Variants in SLC25A28 observed in about 807,000 individuals in gnomAD.
SLC25A28 encodes the protein mitoferrin-2.
In SLC25A28, 10 loss-of-function variants were observed where a neutral mutation model predicts 31.9. The observed-to-expected ratio is 0.31, with a 90% CI of 0.19 to 0.53. SLC25A28 has a LOEUF of 0.53. Ranked by LOEUF, SLC25A28 falls within the 20% of genes least tolerant of loss-of-function variation. The probability of loss-of-function intolerance (pLI) is 0.95; values close to 1 mark genes in which losing one functional copy is unlikely to be tolerated. For missense variants in SLC25A28, 256 were observed against 490.3 expected, an observed-to-expected ratio of 0.52 and a Z score of 4.51; for synonymous variants, 208 against 203.6, an observed-to-expected ratio of 1.02 and a Z score of -0.19.
At chr10:99,652,139 T>C in the SLC25A28 span, 1 of 152,196 alleles carries the variant, frequency 6.6e-6, no homozygotes, top group African/African-American at 2.4e-5. Context: ...GTTCTTATCA[T>C]GTGTGTACAT....
At chr10:99,624,909 A>G (rs1172321973), upstream of SLC25A28, among the ~76,000 whole-genome samples, 6 of 151,894 alleles carry the variant, frequency 4.0e-5, no homozygotes, top group African/African-American at 9.7e-5. Context: ...TGCACCTGCA[A>G]CTCCTCAGGT....
In SLC25A28 at chr10:99,620,438, C is replaced by G. The variant is rs1367756972; in HGVS notation, c.-103G>C. The G allele has an allele frequency of 9.6e-7, 1 of 1,045,586 alleles. No individual in the cohort carries two copies. The highest frequency in any genetic ancestry group is 4.4e-5 in the South Asian group (1 of 22,728). 64.8% of individuals were successfully genotyped at this position (1,045,586 alleles called of 1,614,324 possible). ...CCGCCTCAGGCGCGGCCCAGAGAGC[C>G]CGGGGCCTCCGGCTCCCGCTTGGCC... On this transcript the variant is annotated 5_prime_UTR_variant, in exon 1 of 4. Coordinates refer to ENST00000370495, the MANE Select transcript of SLC25A28 (RefSeq NM_031212.4).
chr10:99,631,211 C>T, the SLC25A28 span, among the ~76,000 whole-genome samples: 4 of 152,086 alleles, frequency 2.6e-5, no homozygotes, highest in African/African-American at 9.7e-5. Flanking sequence ...TTGTGGAATT[C>T]TAAGTTGAAG....
chr10:99,639,015 A>G, the SLC25A28 span, among the ~76,000 whole-genome samples: 127,758 of 152,084 alleles, frequency 0.84, 53,908 homozygotes, highest in Middle Eastern at 0.92. Context: ...CAATTTGCAA[A>G]TGCAAAATCG....
In SLC25A28 at chr10:99,620,434, G is replaced by A. The variant is rs1565023943; in HGVS notation, c.-99C>T. ...GTGTCCGCCTCAGGCGCGGCCCAGA[G>A]AGCCCGGGGCCTCCGGCTCCCGCTT... On this transcript the variant is annotated 5_prime_UTR_variant, in exon 1 of 4. Coordinates refer to ENST00000370495, the MANE Select transcript of SLC25A28 (RefSeq NM_031212.4). 1.9e-6 allele frequency: 2 copies of A among 1,045,358 alleles called. No homozygotes were observed. The highest frequency in any genetic ancestry group is 2.3e-6 in the Non-Finnish European group (2 of 869,780). The allele number at this position is 1,045,358 out of a possible 1,614,324, so 64.8% of individuals were successfully genotyped here. A position where few individuals can be genotyped will look rare whatever the true frequency, so the allele number is the denominator to read the frequency against.
At chr10:99,651,589 C>CTTTTTTT in the SLC25A28 span, among the ~76,000 whole-genome samples, 3 of 43,182 alleles carry the variant, frequency 6.9e-5, no homozygotes, top group South Asian at 1.1e-3. Context: ...TTGCCTTTTT[C>CTTTTTTT]TTTTCTTTTT....
chr10:99,618,533 TATA>T, intron 1 of SLC25A28: 1 of 985,404 alleles, frequency 1.0e-6, no homozygotes, highest in Non-Finnish European at 1.2e-6. Context: ...AGTCTATACA[TATA>T]ATGTGTGCAT....
chr10:99,617,814 G>T (rs569324227), intron 1 of SLC25A28: 4 of 982,880 alleles, frequency 4.1e-6, no homozygotes, highest in African/African-American at 3.5e-5. Context: ...CTGCTATGTT[G>T]TATGACTAAT....
chr10:99,628,079 A>G, the SLC25A28 span, among the ~76,000 whole-genome samples: 1 of 152,256 alleles, frequency 6.6e-6, no homozygotes, highest in Non-Finnish European at 1.5e-5. Context: ...CAAAGTAAAG[A>G]GAGCATAATT....
At chr10:99,654,212 A>G in the SLC25A28 span, among the ~76,000 whole-genome samples, 1 of 152,246 alleles carries the variant, frequency 6.6e-6, no homozygotes, top group African/African-American at 2.4e-5. Context: ...AAAGCCACAC[A>G]TATCAGGAGA....
At chr10:99,646,744 G>T in the SLC25A28 span, among the ~76,000 whole-genome samples, 1 of 152,202 alleles carries the variant, frequency 6.6e-6, no homozygotes, top group Non-Finnish European at 1.5e-5. Context: ...TAGTGGTAAA[G>T]TCTGCACTTT....
chr10:99,635,637 C>G, the SLC25A28 span, among the ~76,000 whole-genome samples: 1 of 150,456 alleles, frequency 6.6e-6, no homozygotes, highest in Non-Finnish European at 1.5e-5. Context: ...GAGATCATGC[C>G]ACTACACTCC....
the SLC25A28 span, among the ~76,000 whole-genome samples, chr10:99,656,478 G>C: frequency 1.3e-5 from 2 of 152,150 alleles, no homozygotes; most frequent in Non-Finnish European, 2.9e-5. Flanking sequence ...TATGATGAGA[G>C]TGGAGAGATA....
At position 99,611,617 on chromosome 10, in the gene SLC25A28, G is replaced by A. The variant is rs1287848824; in HGVS notation, c.578-251C>T. 2.6e-5 allele frequency among the ~76,000 whole-genome samples: 4 copies of A among 152,074 alleles called. No individual in the cohort carries two copies. Among genetic ancestry groups the A allele is most frequent in the Non-Finnish European group, 1.5e-5 (1 of 68,020 alleles). On this transcript the variant is annotated intron_variant, in intron 3 of 3. Coordinates refer to ENST00000370495, the MANE Select transcript of SLC25A28 (RefSeq NM_031212.4). The surrounding 1 kb of genome is among the most constrained non-coding windows in gnomAD (Gnocchi z 5.5). ...GGACTTCTGTAAAGCCAGCCAGTTC[G>A]CACACAGGACATATCTACAGTTTGG...
rs1179359240 is a variant in SLC25A28, at chr10:99,620,181, G to A, written c.155C>T (p.Pro52Leu). ...GGGEAGACRPPVRQDPDSGPD... is the reference protein window; with the variant it reads ...GGGEAGACRPLVRQDPDSGPD... ...GCCGGAGTCCGGATCTTGTCGTACC[G>A]GGGGCCTGCAGGCCCCGGCCTCCCC... Residue 52 changes from proline to leucine, a missense_variant, in exon 1 of 4, where the codon CCG becomes CTG. Coordinates refer to ENST00000370495, the MANE Select transcript of SLC25A28 (RefSeq NM_031212.4). The A allele has an allele frequency of 7.2e-6, 11 of 1,517,488 alleles. No homozygotes were observed. Among genetic ancestry groups the A allele is most frequent in the East Asian group, 2.7e-5 (1 of 37,320 alleles). 94.0% of individuals were successfully genotyped at this position (1,517,488 alleles called of 1,614,324 possible). A position where few individuals can be genotyped will look rare whatever the true frequency, so the allele number is the denominator to read the frequency against.
the SLC25A28 span, among the ~76,000 whole-genome samples, chr10:99,646,225 G>A: frequency 6.6e-6 from 1 of 152,172 alleles, no homozygotes; most frequent in African/African-American, 2.4e-5. Flanking sequence ...GAGCTTCCCA[G>A]CCACTTTGTT....
At chr10:99,643,018 T>C in the SLC25A28 span, among the ~76,000 whole-genome samples, 1 of 152,142 alleles carries the variant, frequency 6.6e-6, no homozygotes, top group African/African-American at 2.4e-5. Context: ...GATATTAGTC[T>C]AAAATTCTCT....
At position 99,620,009 on chromosome 10, in the gene SLC25A28, C is replaced by A. The variant is rs1423282872; in HGVS notation, c.291+36G>T. 3.2e-6 allele frequency: 5 copies of A among 1,546,964 alleles called. No individual in the cohort carries two copies. In the South Asian group the frequency reaches 4.6e-5, roughly 14 times the overall value. On this transcript the variant is annotated intron_variant, in intron 1 of 3. Transcript: ENST00000370495. ...GGACAAGACCCAGGGGTCGGGTCAG[C>A]CCCAGGTCGGGTTCGAAGCCGGGTG...
chr10:99,618,931 G>T, intron 1 of SLC25A28: 8 of 985,430 alleles, frequency 8.1e-6, no homozygotes, highest in Non-Finnish European at 9.6e-6. Context: ...ACATCAAAAA[G>T]CTGCCAGGTC....
Sources: gnomAD v4.1 joint callset for allele counts (sites outside exome capture counted in the v4.1 genomes callset) on GRCh38, gnomAD v4.1.1 for gene constraint, Gnocchi (gnomAD v3.1) non-coding constraint, MANE v1.5 for transcripts, NCBI Gene and HGNC (gene_info 2026-07-23, HGNC 2026-07-21) for gene names.